DDX60L: variants seen among roughly 807,000 people sequenced by gnomAD.
DDX60L encodes probable ATP-dependent RNA helicase DDX60-like.
In DDX60L, 191 loss-of-function variants were observed where a neutral mutation model predicts 211.6. The ratio of observed to expected loss-of-function variants is 0.90; its 90% CI spans 0.80 to 1.02. The LOEUF (loss-of-function observed/expected upper bound fraction) is 1.02. Ranked by LOEUF, DDX60L falls within the 50% of genes least tolerant of loss-of-function variation. The pLI is 0.00. For missense variants in DDX60L, 2,007 were observed against 1,984.1 expected, an observed-to-expected ratio of 1.01 and a Z score of -0.22; for synonymous variants, 706 against 694.1, an observed-to-expected ratio of 1.02 and a Z score of -0.27.
intron 15 of DDX60L, 28 bp downstream of exon 15, chr4:168,423,580 A>AT (rs1554008261): frequency 6.7e-7 from 1 of 1,482,156 alleles, no homozygotes; most frequent in Non-Finnish European, 9.0e-7. Context: ...GTAAAAATTT[A>AT]AAGTATAAGA....
chr4:168,397,186 T>C (rs1745951190), intron 26 of DDX60L, among the ~76,000 whole-genome samples: 1 of 152,186 alleles, frequency 6.6e-6, no homozygotes, highest in African/African-American at 2.4e-5. Context: ...TAAGTTTCTG[T>C]TTAGAAGCCA....
At chr4:168,390,821 C>A (rs1744677394) in intron 29 of DDX60L, among the ~76,000 whole-genome samples, 1 of 151,918 alleles carries the variant, frequency 6.6e-6, no homozygotes, top group African/African-American at 2.4e-5. Flanking sequence ...TCACTCTCAA[C>A]CTTGTTTTTG....
In DDX60L at chr4:168,419,346, G is replaced by A. The variant is rs570199575; in HGVS notation, c.2566C>T (p.Arg856Cys). 1.8e-5 allele frequency: 28 copies of A among 1,599,058 alleles called. No homozygotes were observed. Among genetic ancestry groups the A allele is most frequent in the Middle Eastern group, 1.7e-4 (1 of 6,048 alleles). The change falls in exon 19 of 38, where the codon CGC becomes TGC. Residue 856 changes from arginine to cysteine, a missense_variant. Coordinates refer to ENST00000682922, the MANE Select transcript of DDX60L (RefSeq NM_001012967.3). ...CFEILLLAPH[R>C]QKWVERIRYV... ...CTGATCCTTTCCACCCATTTTTGGCGATGAGGAGCAAGCAACAGGATTTCA... is the reference window on the plus strand; with the variant it reads ...CTGATCCTTTCCACCCATTTTTGGCAATGAGGAGCAAGCAACAGGATTTCA...
At chr4:168,406,767 T>C in intron 22 of DDX60L, 61 bp from the exon 23 acceptor site, 1 of 1,219,592 alleles carries the variant, frequency 8.2e-7, no homozygotes, top group African/African-American at 1.6e-5. Context: ...TATATTTCTT[T>C]TATTTTATCT....
chr4:168,378,568 T>C lies in DDX60L; in HGVS notation c.4364-93A>G, dbSNP rs539549272. On this transcript the variant is annotated intron_variant, in intron 32 of 37. Coordinates refer to ENST00000682922, the MANE Select transcript of DDX60L (RefSeq NM_001012967.3). ...TGTTTTTATAGTACATTTCCTTTTGTTGAAGGCAAAATTTTCTAGCAAATA... is the reference window on the plus strand; with the variant it reads ...TGTTTTTATAGTACATTTCCTTTTGCTGAAGGCAAAATTTTCTAGCAAATA... 3.0e-4 allele frequency: 284 copies of C among 959,256 alleles called. 3 individuals carry two copies. In the East Asian group the frequency reaches 8.1e-3, roughly 27 times the overall value. 59.4% of individuals were successfully genotyped at this position (959,256 alleles called of 1,614,324 possible). A position where few individuals can be genotyped will look rare whatever the true frequency, so the allele number is the denominator to read the frequency against.
Position 168,407,411 on chromosome 4 carries a change from C to T in DDX60L, c.2980-705G>A, listed in dbSNP as rs548075911. 2.2e-4 allele frequency among the ~76,000 whole-genome samples: 34 copies of T among 152,254 alleles called. 1 individual carries two copies. The South Asian group carries it at 6.6e-3, about 30-fold the overall frequency. On this transcript the variant is annotated intron_variant, in intron 22 of 37. Transcript: ENST00000682922. Reference sequence around the variant, plus strand: ...CAAGAACAAATCCTGTCCTCATAGCCTTTGTGTTCTATACTCTTTTGGCTT... The same window carrying T: ...CAAGAACAAATCCTGTCCTCATAGCTTTTGTGTTCTATACTCTTTTGGCTT...
At position 168,379,485 on chromosome 4, in the gene DDX60L, C is replaced by T; in HGVS notation, c.4241G>A (p.Gly1414Asp). The change falls in exon 32 of 38, where the codon GGT becomes GAT. Residue 1414 changes from glycine (G) to aspartate (D), a missense_variant. Coordinates refer to ENST00000682922, the MANE Select transcript of DDX60L (RefSeq NM_001012967.3). ...LIKEDYLNKKGNPKKFAGLAS... is the reference protein window; with the variant it reads ...LIKEDYLNKKDNPKKFAGLAS... ...AAGTCCTGCAAATTTCTTTGGATTA[C>T]CCTTTTTATTTAAATAGTCCTAAAA... The T allele has an allele frequency of 4.4e-6, 7 of 1,579,424 alleles. No homozygotes were observed. The highest frequency in any genetic ancestry group is 6.0e-6 in the Non-Finnish European group (7 of 1,168,836).
At chr4:168,432,925 T>G in intron 11 of DDX60L, 85 bp downstream of exon 11, 1 of 788,712 alleles carries the variant, frequency 1.3e-6, no homozygotes, top group Non-Finnish European at 2.1e-6. Context: ...ATATGATATA[T>G]TACATAGACA....
chr4:168,410,707 C>T (rs547107013), intron 22 of DDX60L, among the ~76,000 whole-genome samples: 13 of 152,180 alleles, frequency 8.5e-5, no homozygotes, highest in Non-Finnish European at 1.5e-4. Flanking sequence ...TCTTCCCACA[C>T]TCATAATCCA....
At chr4:168,370,489 T>C (rs1453205989) in intron 36 of DDX60L, among the ~76,000 whole-genome samples, 3 of 152,038 alleles carry the variant, frequency 2.0e-5, no homozygotes, top group Non-Finnish European at 4.4e-5. Context: ...AGTAAGTAGA[T>C]AGGAGGAATA....
intron 22 of DDX60L, among the ~76,000 whole-genome samples, chr4:168,409,745 G>A (rs1748355074): frequency 1.3e-5 from 2 of 152,084 alleles, no homozygotes; most frequent in South Asian, 4.1e-4. Flanking sequence ...TCGTGCATTC[G>A]ATCCACAAAT....
At chr4:168,411,630 C>T (rs28826357) in intron 22 of DDX60L, among the ~76,000 whole-genome samples, 2,165 of 152,070 alleles carry the variant, frequency 0.014, 56 homozygotes, top group African/African-American at 0.047. Context: ...TTAAAGTGCC[C>T]GAGGGTCCTA....
intron 9 of DDX60L, among the ~76,000 whole-genome samples, chr4:168,442,424 G>C (rs894916315): frequency 6.6e-6 from 1 of 152,262 alleles, no homozygotes; most frequent in South Asian, 2.1e-4. Context: ...GCGAGGCTGG[G>C]GGAGGGGCGG....
chr4:168,409,676 A>G (rs1469129769), intron 22 of DDX60L, among the ~76,000 whole-genome samples: 1 of 152,246 alleles, frequency 6.6e-6, no homozygotes, highest in Non-Finnish European at 1.5e-5. Context: ...AGTGAGTTTT[A>G]CATGCCCTTA....
In DDX60L at chr4:168,391,649, GAA is replaced by G. The variant is rs35620253; in HGVS notation, c.3811-7_3811-6del. ...TGTTTCAGTAGCTGTCACTACCTAGGAAAAAAAAAAAAAAACAGTCAATACAC... is the reference window on the plus strand; with the variant it reads ...TGTTTCAGTAGCTGTCACTACCTAGGAAAAAAAAAAAAACAGTCAATACAC... On this transcript the variant is annotated splice_region_variant and splice_polypyrimidine_tract_variant and intron_variant, in intron 28 of 37. Transcript: ENST00000682922. 2.1e-3 allele frequency: 2,169 copies of G among 1,054,204 alleles called. 6 individuals are homozygous for G. The highest frequency in any genetic ancestry group is 3.2e-3 in the South Asian group (159 of 50,286). The allele number at this position is 1,054,204 out of a possible 1,614,324, so 65.3% of individuals were successfully genotyped here.
intron 1 of DDX60L, among the ~76,000 whole-genome samples, chr4:168,479,991 A>G (rs990983312): frequency 4.6e-5 from 7 of 150,912 alleles, no homozygotes; most frequent in African/African-American, 1.7e-4. Flanking sequence ...CAAAAAAAAA[A>G]AAAAAAAAAA....
At chr4:168,385,487 TTAAC>T (rs1281830018) in intron 29 of DDX60L, among the ~76,000 whole-genome samples, 1 of 152,116 alleles carries the variant, frequency 6.6e-6, no homozygotes, top group Non-Finnish European at 1.5e-5. Flanking sequence ...CTCTAGAAAA[TTAAC>T]TAAACTCAAA....
In DDX60L at chr4:168,373,773, C is replaced by T. The variant is rs753082259; in HGVS notation, c.4669G>A (p.Val1557Met). The T allele has an allele frequency of 4.3e-6, 7 of 1,613,814 alleles. No homozygotes were observed. The highest frequency in any genetic ancestry group is 4.5e-5 in the East Asian group (2 of 44,888). Residue 1557 changes from valine (V) to methionine (M), a missense_variant, in exon 35 of 38, where the codon GTG (valine) becomes ATG (methionine). Physicochemically the swap from Val to Met is conservative, Grantham distance 21. Transcript: ENST00000682922. ...TGKECEDSQL[V>M]SHLMSCKKGR... is the part of the protein sequence containing the mutation. ...TTCTTGCAGCTCATCAAGTGAGACACGAGTTGGGAGTCTTCACATTCTTTA... is the reference window on the plus strand; with the variant it reads ...TTCTTGCAGCTCATCAAGTGAGACATGAGTTGGGAGTCTTCACATTCTTTA...
intron 35 of DDX60L, among the ~76,000 whole-genome samples, chr4:168,373,451 T>C (rs2149645636): frequency 6.6e-6 from 1 of 152,218 alleles, no homozygotes; most frequent in East Asian, 1.9e-4. Context: ...AACAGTGGTG[T>C]CTGAAATTTT....
Sources: allele counts gnomAD v4.1 joint callset (sites outside exome capture counted in the v4.1 genomes callset), GRCh38; gene constraint gnomAD v4.1.1; transcripts MANE v1.5; gene names NCBI Gene and HGNC (gene_info 2026-07-23, HGNC 2026-07-21).